Variants in RNF145 observed in about 807,000 individuals in gnomAD.
RNF145 encodes the protein ring finger protein 145.
In RNF145, 12 loss-of-function variants were observed where a neutral mutation model predicts 57.3. The ratio of observed to expected loss-of-function variants is 0.21; its 90% CI spans 0.13 to 0.34. The LOEUF (loss-of-function observed/expected upper bound fraction) is 0.34. RNF145 is among the 10% of genes least tolerant of loss of function. The probability of loss-of-function intolerance (pLI) is 1.00; values close to 1 mark genes in which losing one functional copy is unlikely to be tolerated. For missense variants in RNF145, 429 were observed against 799.0 expected, an observed-to-expected ratio of 0.54 and a Z score of 5.58; for synonymous variants, 262 against 288.3, an observed-to-expected ratio of 0.91 and a Z score of 0.92.
At position 159,209,526 on chromosome 5, in the gene RNF145, T is replaced by A. The variant is rs1786033591; in HGVS notation, c.-335A>T. 1 of 196,876 alleles carries A rather than the reference T, an allele frequency of 5.1e-6. No homozygotes were observed. Among genetic ancestry groups the A allele is most frequent in the Non-Finnish European group, 6.3e-6 (1 of 159,670 alleles). The allele number at this position is 196,876 out of a possible 1,614,324, so 12.2% of individuals were successfully genotyped here. ...GCGTCGGCGGCCATGGCCTCCTGCG[T>A]TTGCTCCTCCCGCCCCCGGCGCTCT... On this transcript the variant is annotated 5_prime_UTR_variant, in exon 1 of 11. Transcript: ENST00000424310.
At chr5:159,162,883 A>G in intron 9 of RNF145, 49 bp downstream of exon 9, 1 of 1,495,802 alleles carries the variant, frequency 6.7e-7, no homozygotes, top group Non-Finnish European at 9.0e-7. Context: ...TCTGGGAGGA[A>G]AAATAACAAA....
rs1279547521 is a variant in RNF145, at chr5:159,158,033, C to G, written c.*637G>C. The G allele has an allele frequency of 6.5e-6, 1 of 152,742 alleles. No individual in the cohort carries two copies. The allele number at this position is 152,742 out of a possible 1,614,324, so 9.5% of individuals were successfully genotyped here. A position where few individuals can be genotyped will look rare whatever the true frequency, so the allele number is the denominator to read the frequency against. Reference sequence around the variant, plus strand: ...GAGTCTCAGATTACATGAATGCACCCGCAAGGCCCAAGTGCCCACCCACCC... The same window carrying G: ...GAGTCTCAGATTACATGAATGCACCGGCAAGGCCCAAGTGCCCACCCACCC... On this transcript the variant is annotated 3_prime_UTR_variant, in exon 11 of 11. Transcript: ENST00000424310.
intron 2 of RNF145, among the ~76,000 whole-genome samples, chr5:159,198,221 G>A (rs934763377): frequency 2.0e-5 from 3 of 148,696 alleles, no homozygotes; most frequent in Non-Finnish European, 4.4e-5. Flanking sequence ...CAATCTGGGC[G>A]ACAGTGAGAC....
rs1002650438 is a variant in RNF145, at chr5:159,209,205, A to C, written c.-40+26T>G. ...GCGGCCGGGGGGCGCGGGGATGGGA[A>C]GGGGCCGGGCGGGCGGCGTGGTCAC... On this transcript the variant is annotated intron_variant, in intron 1 of 10. Transcript: ENST00000424310. The C allele has an allele frequency of 9.0e-6, 8 of 886,772 alleles. No individual in the cohort carries two copies. In the African/African-American group the frequency reaches 2.3e-4, roughly 25 times the overall value. 54.9% of individuals were successfully genotyped at this position (886,772 alleles called of 1,614,324 possible). A position where few individuals can be genotyped will look rare whatever the true frequency, so the allele number is the denominator to read the frequency against.
At chr5:159,169,873 C>G in intron 6 of RNF145, 54 bp from the exon 7 acceptor site, 2 of 1,424,786 alleles carry the variant, frequency 1.4e-6, no homozygotes, top group Non-Finnish European at 1.9e-6. Context: ...TTGGAGTAAA[C>G]ACATTTGAGG....
chr5:159,183,230 G>A (rs1445504357), intron 3 of RNF145, among the ~76,000 whole-genome samples: 4 of 152,116 alleles, frequency 2.6e-5, no homozygotes, highest in African/African-American at 9.7e-5. Flanking sequence ...ACTGAAAGAG[G>A]AAGCCAAATT....
At chr5:159,162,729 C>A (rs1342779977) in intron 9 of RNF145, among the ~76,000 whole-genome samples, 3 of 152,184 alleles carry the variant, frequency 2.0e-5, no homozygotes, top group Non-Finnish European at 2.9e-5. Flanking sequence ...CCACCGCGCC[C>A]GGCCGGTTTA....
At position 159,174,004 on chromosome 5, in the gene RNF145, A is replaced by C. The variant is rs1277161406; in HGVS notation, c.776T>G (p.Leu259Arg). The change falls in exon 6 of 11, where the codon CTT becomes CGT. Residue 259 changes from leucine to arginine, a missense_variant. Physicochemically the swap from Leu to Arg is moderately radical, Grantham distance 102. Around this residue, in one of 4 missense-constraint regions of RNF145, gnomAD observed 216 missense variants for 457.6 expected, o/e 0.47. Transcript: ENST00000424310. The stretch of plus-strand genomic sequence containing the variant: ...TTACCTTGTCAGAAAAAGGAAAAGA[A>C]GCCTCTCACGTGATGCAGGCTGATC... The part of the protein sequence containing the change: ...TRDQPASRER[L>R]LFLFLTSIAE... The C allele has an allele frequency of 1.9e-6, 3 of 1,606,976 alleles. No individual in the cohort carries two copies. Among genetic ancestry groups the C allele is most frequent in the Non-Finnish European group, 2.5e-6 (3 of 1,177,740 alleles).
intron 10 of RNF145, 101 bp from the exon 11 acceptor site, chr5:159,159,136 AAAATTTGT>A (rs1345203274): frequency 2.0e-5 from 22 of 1,076,452 alleles, no homozygotes; most frequent in Non-Finnish European, 2.8e-5. Context: ...CCCACAATAG[AAAATTTGT>A]AACATAGATC....
intron 2 of RNF145, among the ~76,000 whole-genome samples, chr5:159,202,077 G>C (rs1210402895): frequency 6.6e-6 from 1 of 152,192 alleles, no homozygotes; most frequent in African/African-American, 2.4e-5. Flanking sequence ...GCATATTTAA[G>C]ATGGCTCAAC....
upstream of RNF145, chr5:159,209,770 G>T: frequency 2.2e-6 from 3 of 1,353,472 alleles, no homozygotes; most frequent in Non-Finnish European, 3.1e-6. Flanking sequence ...ACCTGGACGC[G>T]CACTGTGACA....
At chr5:159,164,930 C>T (rs949374634) in intron 8 of RNF145, among the ~76,000 whole-genome samples, 4 of 152,190 alleles carry the variant, frequency 2.6e-5, no homozygotes, top group African/African-American at 9.7e-5. Flanking sequence ...TTCCCTTTAA[C>T]AATTATTTCA....
At chr5:159,176,209 A>G (rs1332511465) in intron 5 of RNF145, among the ~76,000 whole-genome samples, 1 of 152,138 alleles carries the variant, frequency 6.6e-6, no homozygotes, top group Non-Finnish European at 1.5e-5. Flanking sequence ...ACTTATAGGT[A>G]TTCAATTCTT....
Position 159,174,155 on chromosome 5 carries a change from C to A in RNF145, c.625G>T (p.Val209Leu), listed in dbSNP as rs1002562982. The A allele has an allele frequency of 1.9e-6, 3 of 1,594,886 alleles. No homozygotes were observed. The highest frequency in any genetic ancestry group is 2.6e-6 in the Non-Finnish European group (3 of 1,172,216). The change falls in exon 6 of 11, where the codon GTG (valine) becomes TTG (leucine). Residue 209 changes from valine to leucine, a missense_variant. Transcript: ENST00000424310. ...AAGGCGAGAAGGCCATATACCTCCA[C>A]TACCTAAATAAAAACGTAAGATAGG... The part of the protein sequence containing the change: ...KSAYRELVQV[V>L]EVYGLLALGM...
chr5:159,180,923 T>G (rs192154538), intron 4 of RNF145, among the ~76,000 whole-genome samples: 9 of 152,104 alleles, frequency 5.9e-5, no homozygotes, highest in African/African-American at 1.9e-4. Context: ...ATAGTGGAAT[T>G]CTGGCCTCCT....
intron 3 of RNF145, among the ~76,000 whole-genome samples, chr5:159,184,318 T>C (rs1784990574): frequency 6.6e-6 from 1 of 152,254 alleles, no homozygotes; most frequent in Non-Finnish European, 1.5e-5. Flanking sequence ...TTACCTTAAA[T>C]TCTAATTTCA....
rs374589171 is a variant in RNF145, at chr5:159,162,920, T to C, written c.1269+12A>G. The C allele has an allele frequency of 7.6e-4, 1,204 of 1,584,340 alleles. 1 individual carries two copies. Among genetic ancestry groups the C allele is most frequent in the Non-Finnish European group, 9.3e-4 (1,087 of 1,170,884 alleles). On this transcript the variant is annotated intron_variant, in intron 9 of 10. Transcript: ENST00000424310. ...TTGGTTATTATATAGAGTTAATTAA[T>C]CATAGGCTTACCTGAAGAGAGGTAA...
intron 1 of RNF145, among the ~76,000 whole-genome samples, chr5:159,208,657 T>A (rs1446242368): frequency 6.6e-6 from 1 of 151,944 alleles, no homozygotes; most frequent in Non-Finnish European, 1.5e-5. Context: ...AGCTTGAGTT[T>A]GGGGCTGCGT....
chr5:159,160,843 A>G (rs1179118698), intron 10 of RNF145, among the ~76,000 whole-genome samples: 5 of 152,138 alleles, frequency 3.3e-5, no homozygotes, highest in Non-Finnish European at 5.9e-5. Flanking sequence ...CTCTCTACCT[A>G]TGTTAGGTAC....
Sources: gnomAD v4.1 joint callset for allele counts (sites outside exome capture counted in the v4.1 genomes callset) on GRCh38, gnomAD v4.1.1 for gene constraint, gnomAD v4.1.1 regional missense constraint, MANE v1.5 for transcripts, NCBI Gene and HGNC (gene_info 2026-07-23, HGNC 2026-07-21) for gene names.